Variants in MACROD2 observed in about 807,000 individuals in gnomAD.
The protein encoded by MACROD2 is mono-ADP ribosylhydrolase 2, also known as ADP-ribose glycohydrolase MACROD2.
A neutral mutation model predicts 70.4 loss-of-function variants in MACROD2; 36 were observed. The observed-to-expected ratio is 0.51, with a 90% confidence interval of 0.39 to 0.68. The LOEUF is 0.68. Among genes scored for constraint, MACROD2 ranks in the 30% least tolerant of loss-of-function variants. The probability of loss-of-function intolerance (pLI) is 0.00; values close to 1 mark genes in which losing one functional copy is unlikely to be tolerated. For missense variants in MACROD2, 496 were observed against 538.4 expected (o/e 0.92, Z 0.78); for synonymous variants, 172 against 178.8 (o/e 0.96, Z 0.30).
chr20:14,208,834 A>T (rs2081547069), intron 3 of MACROD2, among the ~76,000 whole-genome samples: 1 of 152,248 alleles, frequency 6.6e-6, no homozygotes. Flanking sequence ...TAGACTGTAG[A>T]TACAGAAGTG....
At chr20:14,372,201 T>G (rs765352812) in intron 3 of MACROD2, among the ~76,000 whole-genome samples, 12 of 152,144 alleles carry the variant, frequency 7.9e-5, no homozygotes, top group Non-Finnish European at 1.2e-4. Flanking sequence ...CTGTCCTATT[T>G]TATGCTGATA....
intron 2 of MACROD2, among the ~76,000 whole-genome samples, chr20:14,019,606 A>G (rs1485113017): frequency 3.3e-5 from 5 of 151,972 alleles, no homozygotes; most frequent in Non-Finnish European, 7.4e-5. Flanking sequence ...TTTGGTGGGC[A>G]GGGAGCTAGG....
At chr20:15,069,054 G>T (rs192334192) in intron 5 of MACROD2, among the ~76,000 whole-genome samples, 1 of 152,296 alleles carries the variant, frequency 6.6e-6, no homozygotes, top group East Asian at 1.9e-4. Flanking sequence ...TTGGGAACTA[G>T]TGTAGAGAAC....
At chr20:15,420,373 A>ACCAAGTTAT (rs1303588685) in intron 6 of MACROD2, among the ~76,000 whole-genome samples, 2 of 152,196 alleles carry the variant, frequency 1.3e-5, no homozygotes, top group Non-Finnish European at 2.9e-5. Flanking sequence ...ACAAAAAGAA[A>ACCAAGTTAT]CCAAGTTATT....
At chr20:14,431,261 C>T (rs1481305500) in intron 3 of MACROD2, among the ~76,000 whole-genome samples, 1 of 152,026 alleles carries the variant, frequency 6.6e-6, no homozygotes, top group Admixed American at 6.6e-5. Context: ...CATACAGAGG[C>T]TTAACAGTTT....
chr20:15,763,950 T>C (rs2147002317), intron 8 of MACROD2, among the ~76,000 whole-genome samples: 1 of 152,330 alleles, frequency 6.6e-6, no homozygotes. Flanking sequence ...ATAAATATAC[T>C]TTGATTTGAG....
At chr20:15,661,171 G>T (rs1045860695) in intron 8 of MACROD2, among the ~76,000 whole-genome samples, 3 of 152,090 alleles carry the variant, frequency 2.0e-5, no homozygotes, top group Non-Finnish European at 4.4e-5. Flanking sequence ...TCACATTAGG[G>T]GGTAAGGCAA....
chr20:15,374,943 A>G (rs1041262171), intron 6 of MACROD2, among the ~76,000 whole-genome samples: 2 of 152,192 alleles, frequency 1.3e-5, no homozygotes, highest in Admixed American at 6.5e-5. Context: ...GCTTATCATG[A>G]GGATGGATTG....
chr20:15,868,603 CT>C (rs5840688), intron 9 of MACROD2, among the ~76,000 whole-genome samples: 5,422 of 135,530 alleles, frequency 0.04, 265 homozygotes, highest in African/African-American at 0.11. Context: ...TAATACTTTT[CT>C]TTTTTTTTTT....
chr20:14,800,850 A>G (rs964980843), intron 5 of MACROD2, among the ~76,000 whole-genome samples: 5 of 150,882 alleles, frequency 3.3e-5, no homozygotes, highest in African/African-American at 7.3e-5. Flanking sequence ...GCCAACAAAC[A>G]CAGGTTGTGC....
intron 9 of MACROD2, among the ~76,000 whole-genome samples, chr20:15,868,889 A>T (rs916922527): frequency 6.6e-6 from 1 of 151,510 alleles, no homozygotes; most frequent in Non-Finnish European, 1.5e-5. Flanking sequence ...GGCTCAAGGG[A>T]TCCTCCTGTT....
At chr20:15,652,602 C>G (rs1323278092) in intron 8 of MACROD2, among the ~76,000 whole-genome samples, 1 of 152,118 alleles carries the variant, frequency 6.6e-6, no homozygotes, top group Admixed American at 6.5e-5. Context: ...TGGGCATCTG[C>G]AAAATTATAC....
chr20:14,485,797 A>G (rs1414392160), intron 3 of MACROD2, among the ~76,000 whole-genome samples: 1 of 151,220 alleles, frequency 6.6e-6, no homozygotes, highest in Admixed American at 6.6e-5. Flanking sequence ...TGATTCTTTA[A>G]CATGTTCAAA....
rs577511851 is a variant in MACROD2, at chr20:14,817,179, A to C, written c.418+132220A>C. 5.3e-4 allele frequency among the ~76,000 whole-genome samples: 80 copies of C among 152,188 alleles called. No individual in the cohort carries two copies. In the South Asian group the frequency reaches 8.1e-3, roughly 15 times the overall value. ...CTAATTAATGTTAGAATTCTTATCC[A>C]ATGTACTTGTTGCTAAGCAGATAGA... On this transcript the variant is annotated intron_variant, in intron 5 of 17. Coordinates refer to ENST00000684519, the MANE Select transcript of MACROD2 (RefSeq NM_001351661.2).
chr20:14,748,614 C>T (rs2071830025), intron 5 of MACROD2, among the ~76,000 whole-genome samples: 1 of 152,078 alleles, frequency 6.6e-6, no homozygotes. Flanking sequence ...TTAAATGTAT[C>T]ATTGCTTAGT....
intron 6 of MACROD2, among the ~76,000 whole-genome samples, chr20:15,419,063 T>C (rs389210): frequency 0.046 from 6,958 of 152,168 alleles, 219 homozygotes; most frequent in Non-Finnish European, 0.072. Context: ...GGATAAGGAT[T>C]TGGGGGAAAG....
At chr20:15,704,079 C>T (rs1188265303) in intron 8 of MACROD2, among the ~76,000 whole-genome samples, 2 of 152,122 alleles carry the variant, frequency 1.3e-5, no homozygotes. Flanking sequence ...CATCCTAACC[C>T]CTCCTACTCT....
chr20:15,640,485 C>T (rs2049443296), intron 8 of MACROD2, among the ~76,000 whole-genome samples: 1 of 152,220 alleles, frequency 6.6e-6, no homozygotes, highest in Admixed American at 6.5e-5. Flanking sequence ...GCCCTGTGCA[C>T]ATGTCCCACT....
chr20:14,681,289 T>G (rs886409416), intron 4 of MACROD2, among the ~76,000 whole-genome samples: 1 of 152,198 alleles, frequency 6.6e-6, no homozygotes, highest in Non-Finnish European at 1.5e-5. Context: ...TGAAAACGTA[T>G]AGCTACAAGA....
Sources: gnomAD v4.1 joint callset for allele counts (sites outside exome capture counted in the v4.1 genomes callset) on GRCh38, gnomAD v4.1.1 for gene constraint, MANE v1.5 for transcripts, NCBI Gene and HGNC (gene_info 2026-07-23, HGNC 2026-07-21) for gene names.